AGBL1: variants seen among roughly 807,000 people sequenced by gnomAD.
AGBL1 encodes the protein AGBL carboxypeptidase 1, also known as cytosolic carboxypeptidase 4.
In AGBL1, 130 loss-of-function variants were observed where a neutral mutation model predicts 118.9. That is an observed-to-expected ratio of 1.09 (90% confidence interval 0.95 to 1.26). The LOEUF is 1.26. Ranked by LOEUF, AGBL1 falls within the 50% of genes most tolerant of loss-of-function variation. The pLI, the probability that AGBL1 is intolerant of heterozygous loss-of-function variation, is 0.00. For missense variants in AGBL1, 1,584 were observed against 1,298.1 expected (o/e 1.22, Z -3.38); for synonymous variants, 555 against 478.9 (o/e 1.16, Z -2.08).
intron 22 of AGBL1, among the ~76,000 whole-genome samples, chr15:86,878,817 T>C (rs2079850694): frequency 6.6e-6 from 1 of 152,240 alleles, no homozygotes. Context: ...CTTCCTCCCA[T>C]AACCTCCACA....
rs1297712060 is a variant in AGBL1 at position 86,179,210 on chromosome 15, C to A, written c.488+20184C>A. On this transcript the variant is annotated intron_variant, in intron 5 of 22. Coordinates refer to ENST00000614907, the MANE Select transcript of AGBL1 (RefSeq NM_001386094.1). Reference sequence around the variant, plus strand: ...GACATGGTTAAGCATTATGAGAGCACAGAAGAACAATATAGAAAGGCCATT... The same window carrying A: ...GACATGGTTAAGCATTATGAGAGCAAAGAAGAACAATATAGAAAGGCCATT... Among the ~76,000 whole-genome samples, 12 of 152,300 alleles carry A rather than the reference C, an allele frequency of 7.9e-5. 1 individual carries two copies. The South Asian group carries it at 2.5e-3, about 32-fold the overall frequency.
At chr15:86,330,355 T>C (rs965519013) in intron 17 of AGBL1, among the ~76,000 whole-genome samples, 5 of 152,206 alleles carry the variant, frequency 3.3e-5, no homozygotes, top group African/African-American at 9.7e-5. Flanking sequence ...AGGGCTATTT[T>C]TGGCAAAGAA....
intron 1 of AGBL1, chr15:86,140,328 C>T (rs1405665076): frequency 6.7e-6 from 1 of 149,278 alleles, no homozygotes; most frequent in Non-Finnish European, 1.5e-5. Flanking sequence ...CTGATTTTAA[C>T]TCTTTAAGAC....
chr15:86,685,700 A>G (rs1399625939), intron 22 of AGBL1, among the ~76,000 whole-genome samples: 1 of 152,192 alleles, frequency 6.6e-6, no homozygotes, highest in East Asian at 1.9e-4. Flanking sequence ...AAGGAGGTTT[A>G]TGATGCTAAA....
At chr15:86,325,875 T>A (rs2080176436) in intron 17 of AGBL1, among the ~76,000 whole-genome samples, 1 of 152,148 alleles carries the variant, frequency 6.6e-6, no homozygotes, top group African/African-American at 2.4e-5. Flanking sequence ...ATTTTTTCAA[T>A]TTTCTCTCAG....
In AGBL1 at chr15:86,567,869, G is replaced by A. The variant is rs577859322; in HGVS notation, c.2994+13332G>A. On this transcript the variant is annotated intron_variant, in intron 21 of 22. Coordinates refer to ENST00000614907, the MANE Select transcript of AGBL1 (RefSeq NM_001386094.1). ...ATCTACCTTTTTTTCAAGTGTCCCC[G>A]GACATTCAGAGCCCAGCTGCCCAGA... is the stretch of plus-strand genomic sequence containing the variant. 1.2e-4 allele frequency among the ~76,000 whole-genome samples: 18 copies of A among 152,154 alleles called. No individual in the cohort carries two copies. In the East Asian group the frequency reaches 1.7e-3, roughly 15 times the overall value.
rs753662054 is a variant in AGBL1 at position 86,522,936 on chromosome 15, C to T, written c.2682C>T (p.Pro894=). ...ACCTGAGCAGCATTGGCCGAAGTCCCGTGGTGAGTCACTTCCTTCTGCCTC... is the reference window on the plus strand; with the variant it reads ...ACCTGAGCAGCATTGGCCGAAGTCCTGTGGTGAGTCACTTCCTTCTGCCTC... The part of the protein sequence containing the change: ...LYHLSSIGRS[P]VVFCDFHGHS... The change falls in exon 19 of 23, where the codon CCC becomes CCT. Residue 894 remains proline (P), a synonymous_variant. Coordinates refer to ENST00000614907, the MANE Select transcript of AGBL1 (RefSeq NM_001386094.1). 1.9e-5 allele frequency: 31 copies of T among 1,613,668 alleles called. No homozygotes were observed. The highest frequency in any genetic ancestry group is 6.7e-5 in the East Asian group (3 of 44,886).
chr15:86,250,466 C>T (rs28503598), intron 7 of AGBL1, among the ~76,000 whole-genome samples: 4,901 of 129,776 alleles, frequency 0.038, 245 homozygotes, highest in African/African-American at 0.12. Flanking sequence ...GTGGAGGTTG[C>T]GATGAGTTGA....
At chr15:86,440,183 T>G (rs1208658660) in intron 18 of AGBL1, among the ~76,000 whole-genome samples, 1 of 152,196 alleles carries the variant, frequency 6.6e-6, no homozygotes, top group Non-Finnish European at 1.5e-5. Flanking sequence ...CAAATGATAC[T>G]TTGAAAATCA....
intron 6 of AGBL1, among the ~76,000 whole-genome samples, chr15:86,233,552 G>C (rs188721662): frequency 3.9e-5 from 6 of 152,224 alleles, no homozygotes; most frequent in Admixed American, 2.0e-4. Context: ...TTCCTGAGGG[G>C]CCAGAAGAAA....
At chr15:86,815,975 T>A (rs2078852493) in intron 22 of AGBL1, among the ~76,000 whole-genome samples, 1 of 152,042 alleles carries the variant, frequency 6.6e-6, no homozygotes, top group Admixed American at 6.6e-5. Flanking sequence ...GAGTCTGAGG[T>A]GGTAGTAAGT....
chr15:86,719,416 T>C (rs1477330065), intron 22 of AGBL1, among the ~76,000 whole-genome samples: 1 of 152,054 alleles, frequency 6.6e-6, no homozygotes, highest in Non-Finnish European at 1.5e-5. Context: ...TCCACTAATC[T>C]AAAAAGAAAA....
intron 11 of AGBL1, among the ~76,000 whole-genome samples, chr15:86,265,392 G>C (rs2079055597): frequency 6.6e-6 from 1 of 152,148 alleles, no homozygotes; most frequent in Admixed American, 6.5e-5. Context: ...AACACTGGTT[G>C]ATAGATTATT....
intron 22 of AGBL1, among the ~76,000 whole-genome samples, chr15:86,722,010 TACAA>T (rs1421390535): frequency 4.8e-4 from 73 of 152,068 alleles, no homozygotes; most frequent in African/African-American, 1.6e-3. Context: ...TCAAAGAGGA[TACAA>T]ACAAATGGAA....
At chr15:86,450,937 A>G (rs149758566) in intron 18 of AGBL1, among the ~76,000 whole-genome samples, 2 of 152,226 alleles carry the variant, frequency 1.3e-5, no homozygotes, top group East Asian at 1.9e-4. Flanking sequence ...CCAGCTATTT[A>G]TAGGTTTATG....
chr15:86,582,570 A>T lies in AGBL1; in HGVS notation c.2994+28033A>T, dbSNP rs1037727912. Among the ~76,000 whole-genome samples the T allele has an allele frequency of 3.9e-5, 6 of 152,246 alleles. No individual in the cohort carries two copies. The Middle Eastern group carries it at 0.014, about 345-fold the overall frequency. ...TAAAGACACATGCACACGTATGTTT[A>T]TTGAGGCACTATTCACAATAGCAAA... On this transcript the variant is annotated intron_variant, in intron 21 of 22. Coordinates refer to ENST00000614907, the MANE Select transcript of AGBL1 (RefSeq NM_001386094.1).
At chr15:86,976,299 G>A (rs541232332) in intron 23 of AGBL1, among the ~76,000 whole-genome samples, 27 of 150,998 alleles carry the variant, frequency 1.8e-4, no homozygotes, top group Non-Finnish European at 3.4e-4. Context: ...GGATGGTAGG[G>A]CATATATTGT....
At chr15:86,588,896 A>G (rs541693429) in intron 21 of AGBL1, among the ~76,000 whole-genome samples, 4 of 152,198 alleles carry the variant, frequency 2.6e-5, no homozygotes, top group African/African-American at 4.8e-5. Context: ...CGTGTTATCA[A>G]TGTTTATTGA....
At chr15:86,263,151 C>T (rs1462236352) in intron 10 of AGBL1, among the ~76,000 whole-genome samples, 1 of 152,236 alleles carries the variant, frequency 6.6e-6, no homozygotes, top group Non-Finnish European at 1.5e-5. Flanking sequence ...TCATGTGCTG[C>T]ATAATGACAT....
Sources: gnomAD v4.1 joint callset for allele counts (sites outside exome capture counted in the v4.1 genomes callset) on GRCh38, gnomAD v4.1.1 for gene constraint, MANE v1.5 for transcripts, NCBI Gene and HGNC (gene_info 2026-07-23, HGNC 2026-07-21) for gene names.